The following RBM46 variants were observed in gnomAD, a reference collection of about 807,000 sequenced individuals.
The protein encoded by RBM46 is probable RNA-binding protein 46.
A neutral mutation model predicts 43.3 loss-of-function variants in RBM46; 12 were observed. The observed-to-expected ratio is 0.28, with a 90% confidence interval of 0.18 to 0.45. The LOEUF (loss-of-function observed/expected upper bound fraction) is 0.45. RBM46 is among the 20% of genes least tolerant of loss of function. The pLI, the probability that RBM46 is intolerant of heterozygous loss-of-function variation, is 1.00. For synonymous variants in RBM46, 205 were observed against 207.6 expected (o/e 0.99, Z 0.11); for missense variants, 412 against 639.1 (o/e 0.64, Z 3.83).
rs1303369042 is a variant in RBM46, at chr4:154,828,190, A to G, written c.*123A>G. On this transcript the variant is annotated 3_prime_UTR_variant, in exon 5 of 5. Coordinates refer to ENST00000281722, the MANE Select transcript of RBM46 (RefSeq NM_144979.5). ...TTGGTTTTAAAAAGGTATTTATTCC[A>G]AAGTACTAAACATCAGCTATAATTC... 4 of 697,268 alleles carry G rather than the reference A, an allele frequency of 5.7e-6. No individual in the cohort carries two copies. In the East Asian group the frequency reaches 1.1e-4, roughly 19 times the overall value. The allele number at this position is 697,268 out of a possible 1,614,324, so 43.2% of individuals were successfully genotyped here.
In RBM46 at chr4:154,799,498, G is replaced by A. The variant is rs1169635026; in HGVS notation, c.1336G>A (p.Asp446Asn). The A allele has an allele frequency of 1.2e-6, 2 of 1,612,034 alleles. No homozygotes were observed. The highest frequency in any genetic ancestry group is 8.5e-7 in the Non-Finnish European group (1 of 1,179,170). The change falls in exon 4 of 5, where the codon GAC becomes AAC. Residue 446 changes from aspartate to asparagine, a missense_variant. Physicochemically the swap from Asp to Asn is conservative, Grantham distance 23 (BLOSUM62 1). Transcript: ENST00000281722. The part of the protein sequence containing the change: ...ANGSQSYFMP[D>N]KLCTTLEDAK... Reference sequence around the variant, plus strand: ...TGGATCCCAGAGTTACTTCATGCCAGACAAACTCTGTACTACGTTAGAAGA... The same window carrying A: ...TGGATCCCAGAGTTACTTCATGCCAAACAAACTCTGTACTACGTTAGAAGA...
chr4:154,799,987 G>T lies in RBM46; in HGVS notation c.1402+423G>T, dbSNP rs371313567. ...AGGGTTTCACTGTGTTAGCTAGGAT[G>T]GTCTCGATCTCCTGACCTCGTGATC... On this transcript the variant is annotated intron_variant, in intron 4 of 4. Coordinates refer to ENST00000281722, the MANE Select transcript of RBM46 (RefSeq NM_144979.5). Among the ~76,000 whole-genome samples, 159 of 152,054 alleles carry T rather than the reference G, an allele frequency of 1.0e-3. 4 individuals carry two copies. In the South Asian group the frequency reaches 0.032, roughly 30 times the overall value.
intron 4 of RBM46, among the ~76,000 whole-genome samples, chr4:154,818,765 T>C (rs1274166325): frequency 2.0e-5 from 3 of 152,164 alleles, no homozygotes; most frequent in Non-Finnish European, 2.9e-5. Context: ...TTCTGTATTG[T>C]CCATCCTTTT....
chr4:154,811,507 C>T (rs991739868), intron 4 of RBM46, among the ~76,000 whole-genome samples: 4 of 151,944 alleles, frequency 2.6e-5, no homozygotes, highest in African/African-American at 4.8e-5. Flanking sequence ...AATAATTATT[C>T]AGAAAACAAA....
chr4:154,796,292 G>C (rs1734347226), intron 1 of RBM46, among the ~76,000 whole-genome samples: 1 of 152,232 alleles, frequency 6.6e-6, no homozygotes, highest in Non-Finnish European at 1.5e-5. Context: ...AAATATGTTT[G>C]TTGGGGTGCC....
intron 1 of RBM46, among the ~76,000 whole-genome samples, chr4:154,783,421 G>A (rs747589745): frequency 2.0e-5 from 3 of 152,226 alleles, no homozygotes; most frequent in Admixed American, 6.5e-5. Context: ...GTCAGTTTAA[G>A]TAGAGTTTGT....
chr4:154,795,868 A>G (rs1734326303), intron 1 of RBM46, among the ~76,000 whole-genome samples: 2 of 152,062 alleles, frequency 1.3e-5, no homozygotes, highest in African/African-American at 4.8e-5. Flanking sequence ...ATTTCAAGAA[A>G]TATTTAGGGC....
chr4:154,826,208 G>A (rs1213964433), intron 4 of RBM46, among the ~76,000 whole-genome samples: 14 of 149,960 alleles, frequency 9.3e-5, no homozygotes, highest in Admixed American at 8.7e-4. Flanking sequence ...CTGTAATCCC[G>A]GCACTTTGGG....
At chr4:154,799,704 A>T (rs1734525515) in intron 4 of RBM46, 140 bp downstream of exon 4, 1 of 569,524 alleles carries the variant, frequency 1.8e-6, no homozygotes, top group East Asian at 3.3e-5. Context: ...TAAAGTCATG[A>T]TAACTTTCTT....
At chr4:154,816,835 TA>T (rs1735467248) in intron 4 of RBM46, among the ~76,000 whole-genome samples, 1 of 152,162 alleles carries the variant, frequency 6.6e-6, no homozygotes, top group Admixed American at 6.5e-5. Context: ...GTTTATCACT[TA>T]AGATACTCTC....
At position 154,827,992 on chromosome 4, in the gene RBM46, A is replaced by G. The variant is rs1358507107; in HGVS notation, c.1527A>G (p.Ser509=). ...ATTCTTATCCAGGCTATCCTTTGTC[A>G]CCAACAATATCACTTGCTAATGGCA... is the stretch of plus-strand genomic sequence containing the variant. The part of the protein sequence containing the change: ...RPYSYPGYPL[S]PTISLANGSH... Residue 509 remains serine, a synonymous_variant, in exon 5 of 5, where the codon TCA becomes TCG. Transcript: ENST00000281722. The G allele has an allele frequency of 6.2e-7, 1 of 1,613,952 alleles. No individual in the cohort carries two copies. The highest frequency in any genetic ancestry group is 1.7e-5 in the Admixed American group (1 of 60,000).
At chr4:154,805,825 T>C (rs1366542305) in intron 4 of RBM46, among the ~76,000 whole-genome samples, 5 of 151,948 alleles carry the variant, frequency 3.3e-5, no homozygotes, top group African/African-American at 9.7e-5. Context: ...GAAATAATGA[T>C]TCTATGATAT....
intron 1 of RBM46, among the ~76,000 whole-genome samples, chr4:154,788,990 G>T (rs1221876477): frequency 6.6e-6 from 1 of 152,068 alleles, no homozygotes; most frequent in Admixed American, 6.5e-5. Context: ...TTTTATTGGT[G>T]TATAAGAATG....
At chr4:154,797,535 A>G (rs887357635) in intron 2 of RBM46, among the ~76,000 whole-genome samples, 2 of 151,996 alleles carry the variant, frequency 1.3e-5, no homozygotes, top group African/African-American at 4.8e-5. Context: ...CCCTCATTCT[A>G]TTCAGGTCTC....
At chr4:154,784,276 T>C (rs964106023) in intron 1 of RBM46, among the ~76,000 whole-genome samples, 1 of 152,250 alleles carries the variant, frequency 6.6e-6, no homozygotes, top group Non-Finnish European at 1.5e-5. Context: ...TGAAGTAGTT[T>C]TAATACAGCT....
At chr4:154,808,030 CTAA>C (rs773436507) in intron 4 of RBM46, among the ~76,000 whole-genome samples, 10 of 151,986 alleles carry the variant, frequency 6.6e-5, no homozygotes, top group Non-Finnish European at 1.2e-4. Context: ...TTGTACTACA[CTAA>C]TAATATTATC....
Position 154,796,811 on chromosome 4 carries a change from A to G in RBM46, c.59A>G (p.Gln20Arg). 1 of 1,613,456 alleles carries G rather than the reference A, an allele frequency of 6.2e-7. No individual in the cohort carries two copies. Among genetic ancestry groups the G allele is most frequent in the Non-Finnish European group, 8.5e-7 (1 of 1,179,466 alleles). ...NGCSKVRTGIQNEAALLALME... is the reference protein window; with the variant it reads ...NGCSKVRTGIRNEAALLALME... Reference sequence around the variant, plus strand: ...TGCAGTAAAGTTCGAACTGGTATTCAGAATGAAGCAGCATTACTTGCTTTG... The same window carrying G: ...TGCAGTAAAGTTCGAACTGGTATTCGGAATGAAGCAGCATTACTTGCTTTG... The change falls in exon 2 of 5, where the codon CAG (glutamine) becomes CGG (arginine). Residue 20 changes from glutamine to arginine, a missense_variant. Coordinates refer to ENST00000281722, the MANE Select transcript of RBM46 (RefSeq NM_144979.5).
At chr4:154,782,187 C>G (rs915782597) in intron 1 of RBM46, among the ~76,000 whole-genome samples, 13 of 152,190 alleles carry the variant, frequency 8.5e-5, no homozygotes, top group Non-Finnish European at 1.6e-4. Flanking sequence ...CCTTTGTTTC[C>G]TAACATCTGG....
chr4:154,791,330 G>A (rs542166915), intron 1 of RBM46, among the ~76,000 whole-genome samples: 5 of 152,260 alleles, frequency 3.3e-5, no homozygotes, highest in African/African-American at 1.2e-4. Flanking sequence ...AATGTTTTAA[G>A]GGATGCCAGT....
Sources: gnomAD v4.1 joint callset for allele counts (sites outside exome capture counted in the v4.1 genomes callset) on GRCh38, gnomAD v4.1.1 for gene constraint, MANE v1.5 for transcripts, NCBI Gene and HGNC (gene_info 2026-07-23, HGNC 2026-07-21) for gene names.